The following LATS1 variants were observed in gnomAD, a reference collection of about 807,000 sequenced individuals.
LATS1 encodes the protein serine/threonine-protein kinase LATS1.
A neutral mutation model predicts 106.6 loss-of-function variants in LATS1; 25 were observed. That is an observed-to-expected ratio of 0.23 (90% CI 0.17 to 0.33). The LOEUF (loss-of-function observed/expected upper bound fraction) is 0.33. LATS1 is among the 10% of genes least tolerant of loss of function. The pLI is 1.00. For synonymous variants in LATS1, 465 were observed against 455.6 expected, an observed-to-expected ratio of 1.02 and a Z score of -0.26; for missense variants, 1,040 against 1,382.6, an observed-to-expected ratio of 0.75 and a Z score of 3.93.
At chr6:149,704,358 A>T (rs924527695) in intron 1 of LATS1, among the ~76,000 whole-genome samples, 1 of 152,192 alleles carries the variant, frequency 6.6e-6, no homozygotes, top group Non-Finnish European at 1.5e-5. Flanking sequence ...AATGTATCCT[A>T]AGCAAAAAAA....
chr6:149,677,096 G>C (rs985251436), intron 5 of LATS1, among the ~76,000 whole-genome samples: 1 of 152,168 alleles, frequency 6.6e-6, no homozygotes, highest in African/African-American at 2.4e-5. Flanking sequence ...TTCAATAAAT[G>C]ACAGTGATAA....
At chr6:149,690,057 CATAAG>C (rs1479190850) in intron 3 of LATS1, among the ~76,000 whole-genome samples, 1 of 151,558 alleles carries the variant, frequency 6.6e-6, no homozygotes, top group Non-Finnish European at 1.5e-5. Context: ...CACAAACTGA[CATAAG>C]ATATATTACA....
chr6:149,711,161 C>A (rs1784066997), intron 1 of LATS1, among the ~76,000 whole-genome samples: 1 of 151,952 alleles, frequency 6.6e-6, no homozygotes, highest in Non-Finnish European at 1.5e-5. Flanking sequence ...TGAACTTCGA[C>A]TGTGGTTACT....
chr6:149,708,212 C>G (rs1188126684), intron 1 of LATS1, among the ~76,000 whole-genome samples: 1 of 151,950 alleles, frequency 6.6e-6, no homozygotes, highest in African/African-American at 2.4e-5. Flanking sequence ...TTTAATTGTA[C>G]AAGACCACCC....
intron 3 of LATS1, among the ~76,000 whole-genome samples, chr6:149,686,916 A>G (rs1782405165): frequency 6.6e-6 from 1 of 152,070 alleles, no homozygotes. Flanking sequence ...ATCAAGTATC[A>G]TTCTCATGAT....
Position 149,695,061 on chromosome 6 carries a change from T to C in LATS1, c.496+13A>G. 1 of 1,567,790 alleles carries C rather than the reference T, an allele frequency of 6.4e-7. No homozygotes were observed. Among genetic ancestry groups the C allele is most frequent in the Non-Finnish European group, 8.6e-7 (1 of 1,161,900 alleles). ...AAAGAAGAGATGAGAAAATAAAATA[T>C]TTGATTAATCACCTGGTTTCATGCT... On this transcript the variant is annotated intron_variant, in intron 3 of 7. Coordinates refer to ENST00000543571, the MANE Select transcript of LATS1 (RefSeq NM_004690.4).
chr6:149,703,952 C>T (rs1326093390), intron 1 of LATS1, among the ~76,000 whole-genome samples: 3 of 152,166 alleles, frequency 2.0e-5, no homozygotes, highest in Non-Finnish European at 4.4e-5. Context: ...GAGGATTGTT[C>T]AAGTAATTCA....
In LATS1 at chr6:149,661,500, G is replaced by T. The variant is rs767155823; in HGVS notation, c.*229C>A. The T allele has an allele frequency of 7.2e-6, 3 of 416,824 alleles. No individual in the cohort carries two copies. In the East Asian group the frequency reaches 1.1e-4, roughly 15 times the overall value. The allele number at this position is 416,824 out of a possible 1,614,324, so 25.8% of individuals were successfully genotyped here. On this transcript the variant is annotated 3_prime_UTR_variant, in exon 8 of 8. Transcript: ENST00000543571. The stretch of plus-strand genomic sequence containing the variant: ...TACCAAGAACTGACTATAATATTCA[G>T]TTCATAATTTACTTTCCTTATAACA...
intron 1 of LATS1, chr6:149,716,396 G>A (rs1784398194): frequency 6.6e-6 from 1 of 152,172 alleles, no homozygotes; most frequent in African/African-American, 2.4e-5. Flanking sequence ...TGAAAGCAAC[G>A]CTGTATCTTC....
Position 149,689,651 on chromosome 6 carries a change from C to T in LATS1, c.497-5059G>A, listed in dbSNP as rs542974400. On this transcript the variant is annotated intron_variant, in intron 3 of 7. Coordinates refer to ENST00000543571, the MANE Select transcript of LATS1 (RefSeq NM_004690.4). ...TCTATAGTCTCCACTATTGCCAGTC[C>T]TCAGTCTCCTCAAACTGCCTGCTCT... is the stretch of plus-strand genomic sequence containing the variant. Among the ~76,000 whole-genome samples, 7 of 152,238 alleles carry T rather than the reference C, an allele frequency of 4.6e-5. No individual in the cohort carries two copies. In the South Asian group the frequency reaches 1.5e-3, roughly 32 times the overall value.
At chr6:149,714,727 C>A (rs1475524644) in intron 1 of LATS1, among the ~76,000 whole-genome samples, 1 of 152,114 alleles carries the variant, frequency 6.6e-6, no homozygotes, top group Non-Finnish European at 1.5e-5. Context: ...AGATAATTAA[C>A]TAGCATTATG....
At chr6:149,674,124 G>T (rs1342512355) in intron 7 of LATS1, among the ~76,000 whole-genome samples, 2 of 151,818 alleles carry the variant, frequency 1.3e-5, no homozygotes, top group African/African-American at 4.9e-5. Context: ...GCCCAGGCTG[G>T]AGTGCAATGG....
intron 1 of LATS1, among the ~76,000 whole-genome samples, chr6:149,708,325 G>A (rs1783897991): frequency 6.7e-6 from 1 of 150,320 alleles, no homozygotes; most frequent in Non-Finnish European, 1.5e-5. Context: ...TGAGGCAGGA[G>A]AATCGCTTGA....
intron 7 of LATS1, 67 bp from the exon 8 acceptor site, chr6:149,662,305 TATACC>T: frequency 1.5e-6 from 2 of 1,320,284 alleles, no homozygotes; most frequent in Non-Finnish European, 2.1e-6. Context: ...CTTCAAGTTT[TATACC>T]AAAAGTCTCA....
intron 1 of LATS1, among the ~76,000 whole-genome samples, chr6:149,702,814 G>A (rs1316459489): frequency 6.6e-6 from 1 of 152,098 alleles, no homozygotes; most frequent in Non-Finnish European, 1.5e-5. Flanking sequence ...TGGGATTACA[G>A]GCACCCGCCA....
At chr6:149,665,807 G>T (rs529832470) in intron 7 of LATS1, among the ~76,000 whole-genome samples, 2 of 152,056 alleles carry the variant, frequency 1.3e-5, no homozygotes, top group Non-Finnish European at 2.9e-5. Flanking sequence ...GAACCCAACC[G>T]GGTTTAATGC....
In LATS1 at chr6:149,700,073, CCT is replaced by C. The variant is rs536868666; in HGVS notation, c.348+1704_348+1705del. 4.6e-5 allele frequency among the ~76,000 whole-genome samples: 7 copies of C among 152,338 alleles called. No homozygotes were observed. The South Asian group carries it at 1.2e-3, about 27-fold the overall frequency. On this transcript the variant is annotated intron_variant, in intron 2 of 7. Coordinates refer to ENST00000543571, the MANE Select transcript of LATS1 (RefSeq NM_004690.4). ...TTATCCCAGGTCCTTCCCTCCTCCT[CCT>C]CTCTCTATTTCCTGGTCCAAATCCA...
rs1326387583 is a variant in LATS1, at chr6:149,684,431, T to C, written c.658A>G (p.Ile220Val). The change falls in exon 4 of 8, where the codon ATA (isoleucine) becomes GTA (valine). Residue 220 changes from isoleucine (I) to valine (V), a missense_variant. Transcript: ENST00000543571. The part of the protein sequence containing the change: ...DVGRPLSGSG[I>V]SAFVQAHPSN... ...GGGTGAGCTTGAACAAATGCTGATA[T>C]ACCAGATCCAGACAAAGGTCTTCCT... The C allele has an allele frequency of 3.7e-6, 6 of 1,614,000 alleles. No homozygotes were observed. The highest frequency in any genetic ancestry group is 1.6e-4 in the Middle Eastern group (1 of 6,062).
At chr6:149,703,408 G>A (rs1783577790) in intron 1 of LATS1, among the ~76,000 whole-genome samples, 1 of 152,200 alleles carries the variant, frequency 6.6e-6, no homozygotes, top group Non-Finnish European at 1.5e-5. Context: ...CAAATCTCAT[G>A]TCGAACTTTA....
Sources: allele counts gnomAD v4.1 joint callset (sites outside exome capture counted in the v4.1 genomes callset), GRCh38; gene constraint gnomAD v4.1.1; transcripts MANE v1.5; gene names NCBI Gene and HGNC (gene_info 2026-07-23, HGNC 2026-07-21).